The following CERT1 variants were observed in gnomAD, a reference collection of about 807,000 sequenced individuals.
CERT1 encodes ceramide transfer protein.
Under a neutral mutation model 87.9 loss-of-function variants are expected in CERT1, and 31 were observed. The observed-to-expected ratio is 0.35, with a 90% confidence interval of 0.27 to 0.48. The LOEUF (loss-of-function observed/expected upper bound fraction) is 0.48. Ranked by LOEUF, CERT1 falls within the 20% of genes least tolerant of loss-of-function variation. The pLI is 0.99. For missense variants in CERT1, 487 were observed against 758.0 expected, an observed-to-expected ratio of 0.64 and a Z score of 4.20; for synonymous variants, 289 against 250.9, an observed-to-expected ratio of 1.15 and a Z score of -1.44.
At chr5:75,449,055 G>A (rs747957503) in intron 3 of CERT1, among the ~76,000 whole-genome samples, 8 of 152,094 alleles carry the variant, frequency 5.3e-5, no homozygotes, top group Non-Finnish European at 1.2e-4. Context: ...CATTATACTT[G>A]TATAACTGCC....
chr5:75,482,897 A>G (rs1766321275), intron 2 of CERT1, among the ~76,000 whole-genome samples: 1 of 152,008 alleles, frequency 6.6e-6, no homozygotes, highest in Admixed American at 6.6e-5. Context: ...GAACACTTGG[A>G]AAACCTTCCT....
chr5:75,423,743 T>C (rs904617721), intron 5 of CERT1, among the ~76,000 whole-genome samples: 2 of 152,236 alleles, frequency 1.3e-5, no homozygotes, highest in African/African-American at 4.8e-5. Flanking sequence ...TAAAGTGGTA[T>C]ATTACTTGAA....
At chr5:75,412,092 A>G (rs1024667282) in intron 7 of CERT1, among the ~76,000 whole-genome samples, 4 of 152,242 alleles carry the variant, frequency 2.6e-5, no homozygotes, top group Non-Finnish European at 5.9e-5. Context: ...CACTGGGTCA[A>G]AACTGATACT....
At chr5:75,394,401 TC>T (rs2112055056) in intron 11 of CERT1, among the ~76,000 whole-genome samples, 1 of 152,262 alleles carries the variant, frequency 6.6e-6, no homozygotes, top group East Asian at 1.9e-4. Flanking sequence ...ATGCCTGTAG[TC>T]CCAGCTACTC....
At chr5:75,369,695 C>A (rs1053245382) in intron 17 of CERT1, 111 of 152,206 alleles carry the variant, frequency 7.3e-4, no homozygotes, top group African/African-American at 2.7e-3. Context: ...TCACACACCA[C>A]CTCATCAACC....
At chr5:75,397,974 G>A (rs776367427) in intron 11 of CERT1, among the ~76,000 whole-genome samples, 48 of 152,224 alleles carry the variant, frequency 3.2e-4, no homozygotes, top group African/African-American at 5.3e-4. Flanking sequence ...AGCCCAGATC[G>A]TGCCACTGCA....
chr5:75,466,901 A>G (rs1407811096), intron 2 of CERT1, among the ~76,000 whole-genome samples: 1 of 152,190 alleles, frequency 6.6e-6, no homozygotes, highest in East Asian at 1.9e-4. Context: ...ACAATTTCCT[A>G]TATTAAACAC....
intron 3 of CERT1, among the ~76,000 whole-genome samples, chr5:75,457,372 T>C (rs1765027386): frequency 6.6e-6 from 1 of 152,196 alleles, no homozygotes; most frequent in African/African-American, 2.4e-5. Flanking sequence ...AAGAAGAGGT[T>C]AATTAACACA....
At chr5:75,502,194 T>C (rs997109170) in intron 2 of CERT1, among the ~76,000 whole-genome samples, 1 of 152,064 alleles carries the variant, frequency 6.6e-6, no homozygotes, top group Non-Finnish European at 1.5e-5. Flanking sequence ...GGGCTATAAA[T>C]TATTAAGTTA....
intron 3 of CERT1, among the ~76,000 whole-genome samples, chr5:75,458,347 G>A (rs913296448): frequency 3.3e-5 from 5 of 151,916 alleles, no homozygotes; most frequent in East Asian, 1.9e-4. Flanking sequence ...ACAAATGTTC[G>A]TACTAAGAAT....
rs566010437 is a variant in CERT1, at chr5:75,473,749, A to G, written c.232-14568T>C. On this transcript the variant is annotated intron_variant, in intron 2 of 16. Transcript: ENST00000643780. ...GCTCAGTATTCTCACTGCAAAAATG[A>G]TAACTATGTGAGGTAATATATTTGT... is the stretch of plus-strand genomic sequence containing the variant. 7.4e-4 allele frequency among the ~76,000 whole-genome samples: 112 copies of G among 152,364 alleles called. No homozygotes were observed. The South Asian group carries it at 0.01, about 14-fold the overall frequency.
At chr5:75,405,515 A>G (rs1762665470) in intron 8 of CERT1, among the ~76,000 whole-genome samples, 1 of 152,128 alleles carries the variant, frequency 6.6e-6, no homozygotes. Context: ...CCTCAATTGC[A>G]ACGTGTCTGA....
chr5:75,408,684 C>T (rs767396212), intron 8 of CERT1, among the ~76,000 whole-genome samples: 4 of 151,870 alleles, frequency 2.6e-5, no homozygotes, highest in African/African-American at 4.8e-5. Context: ...ATAATGTTCA[C>T]TATTTGGGTA....
intron 3 of CERT1, among the ~76,000 whole-genome samples, chr5:75,453,981 C>A (rs545316138): frequency 2.0e-5 from 3 of 152,256 alleles, no homozygotes; most frequent in Non-Finnish European, 4.4e-5. Flanking sequence ...ATAACTAAAA[C>A]CTTCCAGGTA....
chr5:75,416,138 A>G (rs1462673146), intron 7 of CERT1, among the ~76,000 whole-genome samples: 1 of 152,176 alleles, frequency 6.6e-6, no homozygotes, highest in Non-Finnish European at 1.5e-5. Flanking sequence ...TCCAGAGCTG[A>G]TATATAAAAG....
intron 3 of CERT1, among the ~76,000 whole-genome samples, chr5:75,436,616 GTTAC>G (rs1764106964): frequency 6.6e-6 from 1 of 152,024 alleles, no homozygotes; most frequent in South Asian, 2.1e-4. Flanking sequence ...TATTTCAGAA[GTTAC>G]TTAGATACCT....
chr5:75,403,367 G>A (rs1229568917), intron 8 of CERT1, among the ~76,000 whole-genome samples: 1 of 152,218 alleles, frequency 6.6e-6, no homozygotes, highest in East Asian at 1.9e-4. Context: ...GCCTACTTTT[G>A]TACAGCCTGT....
At chr5:75,437,874 T>TA (rs778119500) in intron 3 of CERT1, among the ~76,000 whole-genome samples, 5 of 151,622 alleles carry the variant, frequency 3.3e-5, no homozygotes, top group Non-Finnish European at 5.9e-5. Context: ...GTAACTACAA[T>TA]AACTACAAAT....
chr5:75,510,836 C>T (rs537753504), intron 1 of CERT1, among the ~76,000 whole-genome samples: 1 of 152,290 alleles, frequency 6.6e-6, no homozygotes, highest in South Asian at 2.1e-4. Context: ...GGACAGCTGC[C>T]GCCCTAAGTC....
Sources: allele counts gnomAD v4.1 joint callset (sites outside exome capture counted in the v4.1 genomes callset), GRCh38; gene constraint gnomAD v4.1.1; transcripts MANE v1.5; gene names NCBI Gene and HGNC (gene_info 2026-07-23, HGNC 2026-07-21).